Variants in TRPM1 observed in about 807,000 individuals in gnomAD.
TRPM1 encodes the protein TRPM1-203 APA Isoform, Intron 10.
Under a neutral mutation model 149.4 loss-of-function variants are expected in TRPM1, and 113 were observed. That is an observed-to-expected ratio of 0.76 (90% CI 0.65 to 0.88). The LOEUF is 0.88. TRPM1 is among the 40% of genes least tolerant of loss of function. The pLI is 0.00. For missense variants in TRPM1, 1,976 were observed against 2,038.7 expected, an observed-to-expected ratio of 0.97 and a Z score of 0.59; for synonymous variants, 741 against 759.5, an observed-to-expected ratio of 0.98 and a Z score of 0.40.
chr15:31,082,619 G>A (rs958288874), intron 1 of TRPM1, among the ~76,000 whole-genome samples: 7 of 152,196 alleles, frequency 4.6e-5, no homozygotes, highest in East Asian at 3.9e-4. Flanking sequence ...GAAGGGCCAC[G>A]GGGAGGCTGC....
chr15:31,143,754 T>C (rs899465688), intron 1 of TRPM1, among the ~76,000 whole-genome samples: 1 of 152,084 alleles, frequency 6.6e-6, no homozygotes, highest in Non-Finnish European at 1.5e-5. Context: ...TTTTTTTCCC[T>C]TTTAAGCTAT....
chr15:31,028,248 G>T, intron 25 of TRPM1, 84 bp downstream of exon 25: 6 of 1,549,160 alleles, frequency 3.9e-6, no homozygotes, highest in South Asian at 1.1e-5. Context: ...AAATATATTG[G>T]TATCTTGGGA....
chr15:31,031,021 C>G lies in TRPM1; in HGVS notation c.3089G>C (p.Trp1030Ser), dbSNP rs752584934. The change falls in exon 23 of 28, where the codon TGG (tryptophan) becomes TCG (serine). Residue 1030 changes from tryptophan (W) to serine (S), a missense_variant. Coordinates refer to ENST00000256552, the MANE Select transcript of TRPM1 (RefSeq NM_001252024.2). ...TGCAAACACCTCTCCATAGATCATC[C>G]AGTAGGGCATGTAGAAGATGTTTCG... ...LARNIFYMPY[W>S]MIYGEVFADQ... 11 of 1,614,026 alleles carry G rather than the reference C, an allele frequency of 6.8e-6. No homozygotes were observed. Among genetic ancestry groups the G allele is most frequent in the Non-Finnish European group, 8.5e-6 (10 of 1,180,032 alleles).
chr15:31,066,654 A>G (rs964059828), intron 6 of TRPM1, among the ~76,000 whole-genome samples: 1 of 152,200 alleles, frequency 6.6e-6, no homozygotes, highest in Admixed American at 6.5e-5. Flanking sequence ...GGCAACCTGG[A>G]CGCGTGTTCA....
chr15:31,002,320 T>C lies in TRPM1; in HGVS notation c.4380A>G (p.Arg1460=). The C allele has an allele frequency of 1.2e-6, 2 of 1,614,244 alleles. No homozygotes were observed. The highest frequency in any genetic ancestry group is 1.6e-4 in the Middle Eastern group (1 of 6,062). The stretch of plus-strand genomic sequence containing the variant: ...TTCTTCCCCGGGAATAGACGAAGCT[T>C]CTGGACTTCATTGTTTTACAAGCAT... ...TINACKTMKS[R]SFVYSRGRKL... The change falls in exon 28 of 28, where the codon AGA becomes AGG. Residue 1460 remains arginine, a synonymous_variant. Transcript: ENST00000256552.
intron 11 of TRPM1, among the ~76,000 whole-genome samples, chr15:31,055,613 C>T (rs1208974293): frequency 2.0e-5 from 3 of 152,146 alleles, no homozygotes; most frequent in Non-Finnish European, 4.4e-5. Flanking sequence ...CTGGGCTTCA[C>T]TCCCAGTAAA....
chr15:31,088,373 C>T (rs1046831456), intron 1 of TRPM1, among the ~76,000 whole-genome samples: 11 of 152,186 alleles, frequency 7.2e-5, no homozygotes, highest in South Asian at 2.1e-4. Flanking sequence ...TTCTTTCTCC[C>T]TTGGCAATAA....
intron 13 of TRPM1, among the ~76,000 whole-genome samples, chr15:31,048,227 TCCAGCC>T: frequency 6.6e-6 from 1 of 151,952 alleles, no homozygotes; most frequent in Non-Finnish European, 1.5e-5. Context: ...ACCACTATAC[TCCAGCC>T]TAGGTGATAA....
In TRPM1 at chr15:31,040,433, G is replaced by C; in HGVS notation, c.2088-87C>G. On this transcript the variant is annotated intron_variant, in intron 17 of 27. Coordinates refer to ENST00000256552, the MANE Select transcript of TRPM1 (RefSeq NM_001252024.2). This position sits in a 1 kb window ranked among gnomAD's most constrained non-coding sequence, Gnocchi z 4.2. ...GGCATATCCACCAAGGACTTATGGA[G>C]CCACGGGACACAGTATCCTTCACTG... 1 of 1,087,204 alleles carries C rather than the reference G, an allele frequency of 9.2e-7. No individual in the cohort carries two copies. Among genetic ancestry groups the C allele is most frequent in the Non-Finnish European group, 1.4e-6 (1 of 713,946 alleles). 67.3% of individuals were successfully genotyped at this position (1,087,204 alleles called of 1,614,324 possible).
intron 11 of TRPM1, among the ~76,000 whole-genome samples, chr15:31,053,601 T>C (rs2140944913): frequency 6.6e-6 from 1 of 152,260 alleles, no homozygotes; most frequent in East Asian, 1.9e-4. Flanking sequence ...AAATGACAAA[T>C]GTTTGTGAAA....
At chr15:31,071,537 T>C (rs1310517427) in intron 3 of TRPM1, among the ~76,000 whole-genome samples, 1 of 152,028 alleles carries the variant, frequency 6.6e-6, no homozygotes, top group Non-Finnish European at 1.5e-5. Context: ...CCTCCTCGCT[T>C]CCCCATTCTC....
intron 27 of TRPM1, among the ~76,000 whole-genome samples, chr15:31,014,089 A>G (rs1255435528): frequency 1.3e-5 from 2 of 151,636 alleles, no homozygotes; most frequent in African/African-American, 2.4e-5. Flanking sequence ...ACACAGCCCT[A>G]TGCATGCACA....
In TRPM1 at chr15:31,002,281, C is replaced by A. The variant is rs2031803215; in HGVS notation, c.4419G>T (p.Gly1473=). Residue 1473 remains glycine, a synonymous_variant, in exon 28 of 28, where the codon GGG becomes GGT. Transcript: ENST00000256552. ...AACTGTACTCTACATCCTGGTTAAC[C>A]CCACCGACCAGCTTTCTTCCCCGGG... is the stretch of plus-strand genomic sequence containing the variant. ...VYSRGRKLVG[G]VNQDVEYSSI... 6.2e-7 allele frequency: 1 copy of A among 1,614,200 alleles called. No homozygotes were observed. The highest frequency in any genetic ancestry group is 1.7e-5 in the Admixed American group (1 of 60,030).
At position 31,098,308 on chromosome 15, in the gene TRPM1, C is replaced by T. The variant is rs75571746; in HGVS notation, c.-84+3349G>A. 1.6e-4 allele frequency among the ~76,000 whole-genome samples: 25 copies of T among 152,192 alleles called. No homozygotes were observed. The East Asian group carries it at 4.5e-3, about 27-fold the overall frequency. On this transcript the variant is annotated intron_variant, in intron 1 of 27. Coordinates refer to ENST00000256552, the MANE Select transcript of TRPM1 (RefSeq NM_001252024.2). Reference sequence around the variant, plus strand: ...ATACAAAATTAGCTGGGCGTGGTGGCGGGCACCTGTAATCCCAGCTAGTTG... The same window carrying T: ...ATACAAAATTAGCTGGGCGTGGTGGTGGGCACCTGTAATCCCAGCTAGTTG...
chr15:31,123,231 T>A (rs1044372546), intron 1 of TRPM1, among the ~76,000 whole-genome samples: 2 of 152,080 alleles, frequency 1.3e-5, no homozygotes, highest in African/African-American at 4.8e-5. Flanking sequence ...TTATAAAACA[T>A]CTAGAAGATA....
intron 3 of TRPM1, among the ~76,000 whole-genome samples, chr15:31,074,442 A>T (rs968109134): frequency 1.5e-4 from 23 of 152,116 alleles, no homozygotes; most frequent in African/African-American, 5.5e-4. Flanking sequence ...TATTTCTCAG[A>T]ATTTTCCCAT....
chr15:31,008,778 G>T (rs987557959), intron 27 of TRPM1, among the ~76,000 whole-genome samples: 4 of 152,134 alleles, frequency 2.6e-5, no homozygotes, highest in African/African-American at 9.7e-5. Flanking sequence ...AGTATACATA[G>T]CATCAGTATT....
intron 27 of TRPM1, among the ~76,000 whole-genome samples, chr15:31,024,630 C>A (rs1227384414): frequency 6.6e-6 from 1 of 152,010 alleles, no homozygotes; most frequent in South Asian, 2.1e-4. Context: ...AGCTTTGGTC[C>A]AAGAATGGTA....
At position 31,063,237 on chromosome 15, in the gene TRPM1, C is replaced by T. The variant is rs773186865; in HGVS notation, c.846G>A (p.Val282=). The change falls in exon 8 of 28, where the codon GTG becomes GTA. Residue 282 remains valine, a synonymous_variant. Coordinates refer to ENST00000256552, the MANE Select transcript of TRPM1 (RefSeq NM_001252024.2). ...VGLVVEGGPN[V]VSIVLEYLQE... is the part of the protein sequence containing the mutation. ...GCAGGTATTCCAAGACGATGGACAC[C>T]ACGTTAGGGCCCCCCTCCACCACGA... 3.1e-6 allele frequency: 5 copies of T among 1,614,046 alleles called. No individual in the cohort carries two copies. In the African/African-American group the frequency reaches 6.7e-5, roughly 22 times the overall value.
Sources: gnomAD v4.1 joint callset for allele counts (sites outside exome capture counted in the v4.1 genomes callset) on GRCh38, gnomAD v4.1.1 for gene constraint, Gnocchi (gnomAD v3.1) non-coding constraint, MANE v1.5 for transcripts, NCBI Gene and HGNC (gene_info 2026-07-23, HGNC 2026-07-21) for gene names.